The following ARHGAP24 variants were observed in gnomAD, a reference collection of about 807,000 sequenced individuals.
ARHGAP24 encodes the protein Rho GTPase activating protein 24, also known as rho GTPase-activating protein 24.
Under a neutral mutation model 76.4 loss-of-function variants are expected in ARHGAP24, and 50 were observed. That is an observed-to-expected ratio of 0.65 (90% CI 0.52 to 0.83). The LOEUF (loss-of-function observed/expected upper bound fraction) is 0.83, where lower values mean the gene tolerates loss of function less well. ARHGAP24 is among the 40% of genes least tolerant of loss of function. The probability of loss-of-function intolerance (pLI) is 0.00; values close to 1 mark genes in which losing one functional copy is unlikely to be tolerated. For synonymous variants in ARHGAP24, 345 were observed against 323.3 expected, an observed-to-expected ratio of 1.07 and a Z score of -0.72; for missense variants, 930 against 914.2, an observed-to-expected ratio of 1.02 and a Z score of -0.22.
At chr4:85,867,919 A>G (rs1247486147) in intron 3 of ARHGAP24, among the ~76,000 whole-genome samples, 3 of 148,660 alleles carry the variant, frequency 2.0e-5, no homozygotes, top group African/African-American at 7.4e-5. Flanking sequence ...ACATATATGT[A>G]CACACACACA....
At chr4:85,667,479 G>A (rs898558524) in intron 2 of ARHGAP24, among the ~76,000 whole-genome samples, 1 of 152,094 alleles carries the variant, frequency 6.6e-6, no homozygotes, top group Admixed American at 6.5e-5. Flanking sequence ...GGCCTGCTTT[G>A]GCTCACACAC....
At chr4:85,827,929 T>G (rs1729801797) in intron 3 of ARHGAP24, 1 of 1,289,738 alleles carries the variant, frequency 7.8e-7, no homozygotes, top group Non-Finnish European at 1.0e-6. Flanking sequence ...AGCTTGCAAG[T>G]GCAGCCTGCA....
At chr4:85,729,169 A>G (rs78955555) in intron 3 of ARHGAP24, among the ~76,000 whole-genome samples, 1 of 148,654 alleles carries the variant, frequency 6.7e-6, no homozygotes, top group East Asian at 2.0e-4. Context: ...TGAAGCTTGT[A>G]TTTTTTTTTT....
chr4:85,865,526 T>G (rs940920137), intron 3 of ARHGAP24, among the ~76,000 whole-genome samples: 53 of 147,612 alleles, frequency 3.6e-4, no homozygotes, highest in Admixed American at 3.5e-3. Flanking sequence ...ATAATTTTAT[T>G]ATTTATAAAT....
chr4:85,781,135 T>C (rs891427922), intron 3 of ARHGAP24, among the ~76,000 whole-genome samples: 1 of 152,284 alleles, frequency 6.6e-6, no homozygotes, highest in Admixed American at 6.5e-5. Flanking sequence ...GAGATTATGC[T>C]TAAGAAAACA....
chr4:85,992,538 A>G (rs1048638351), intron 8 of ARHGAP24, among the ~76,000 whole-genome samples: 5 of 152,168 alleles, frequency 3.3e-5, no homozygotes, highest in Non-Finnish European at 7.4e-5. Flanking sequence ...CATTCCAATG[A>G]TAGGAAAAAG....
At chr4:85,510,849 C>T (rs1268224849) in intron 1 of ARHGAP24, among the ~76,000 whole-genome samples, 1 of 136,136 alleles carries the variant, frequency 7.3e-6, no homozygotes, top group Non-Finnish European at 1.5e-5. Context: ...CTCTCTTCCT[C>T]TGAGTCTCTA....
chr4:85,946,763 A>G (rs181160599), intron 5 of ARHGAP24, among the ~76,000 whole-genome samples: 4 of 152,190 alleles, frequency 2.6e-5, no homozygotes, highest in Non-Finnish European at 4.4e-5. Flanking sequence ...TCATGTCTTT[A>G]CTATTGTGAA....
chr4:85,828,361 A>C (rs922596751), intron 3 of ARHGAP24, among the ~76,000 whole-genome samples: 1 of 152,164 alleles, frequency 6.6e-6, no homozygotes, highest in Non-Finnish European at 1.5e-5. Context: ...GCTGTGGTGT[A>C]TTCTTTGCTT....
At chr4:85,805,600 C>T (rs1728753372) in intron 3 of ARHGAP24, among the ~76,000 whole-genome samples, 1 of 152,210 alleles carries the variant, frequency 6.6e-6, no homozygotes, top group South Asian at 2.1e-4. Context: ...GATTCCCCTG[C>T]TGTTGTAGGG....
intron 3 of ARHGAP24, among the ~76,000 whole-genome samples, chr4:85,807,105 T>G: frequency 6.6e-6 from 1 of 152,352 alleles, no homozygotes; most frequent in Non-Finnish European, 1.5e-5. Context: ...CTTTTTTAAT[T>G]AATTTTTTAA....
chr4:85,949,786 G>A (rs768173622), intron 5 of ARHGAP24, among the ~76,000 whole-genome samples: 14 of 152,132 alleles, frequency 9.2e-5, no homozygotes, highest in Non-Finnish European at 1.3e-4. Context: ...AGATATATAA[G>A]GATGAGAGAA....
chr4:85,838,851 A>G (rs1483906248), intron 3 of ARHGAP24, among the ~76,000 whole-genome samples: 3 of 150,632 alleles, frequency 2.0e-5, no homozygotes, highest in Non-Finnish European at 1.5e-5. Flanking sequence ...CTTCATTCGC[A>G]TGGAGGGCCC....
chr4:85,558,922 G>A (rs1226421716), intron 1 of ARHGAP24, among the ~76,000 whole-genome samples: 1 of 152,250 alleles, frequency 6.6e-6, no homozygotes, highest in Non-Finnish European at 1.5e-5. Context: ...GGCTTGAAAT[G>A]ATAATGCAAT....
chr4:85,622,083 A>G (rs948196330), intron 2 of ARHGAP24, among the ~76,000 whole-genome samples: 2 of 151,450 alleles, frequency 1.3e-5, no homozygotes, highest in African/African-American at 4.8e-5. Flanking sequence ...TTTCCATTTT[A>G]ATTTCTTTTT....
intron 4 of ARHGAP24, among the ~76,000 whole-genome samples, chr4:85,934,888 G>A (rs1019981345): frequency 2.0e-5 from 3 of 152,248 alleles, no homozygotes; most frequent in South Asian, 2.1e-4. Flanking sequence ...TGCTTTATAC[G>A]CGTTTGTAGT....
At chr4:85,664,498 G>C (rs1300618200) in intron 2 of ARHGAP24, among the ~76,000 whole-genome samples, 1 of 150,408 alleles carries the variant, frequency 6.6e-6, no homozygotes, top group African/African-American at 2.5e-5. Flanking sequence ...GGGTTTTTTT[G>C]TGTCTCTATT....
At chr4:85,886,584 T>G (rs934047069) in intron 3 of ARHGAP24, among the ~76,000 whole-genome samples, 2 of 152,166 alleles carry the variant, frequency 1.3e-5, no homozygotes, top group African/African-American at 2.4e-5. Flanking sequence ...GATAGTCATT[T>G]AGTGTTTATT....
chr4:85,977,862 T>A (rs1482989610), intron 8 of ARHGAP24, among the ~76,000 whole-genome samples, 171 bp downstream of exon 8: 1 of 152,224 alleles, frequency 6.6e-6, no homozygotes, highest in Non-Finnish European at 1.5e-5. Context: ...AAGTCAGATA[T>A]TTTTTGTTTG....
Sources: gnomAD v4.1 joint callset for allele counts (sites outside exome capture counted in the v4.1 genomes callset) on GRCh38, gnomAD v4.1.1 for gene constraint, MANE v1.5 for transcripts, NCBI Gene and HGNC (gene_info 2026-07-23, HGNC 2026-07-21) for gene names.